RYK: variants seen among roughly 807,000 people sequenced by gnomAD.
The protein encoded by RYK is receptor like tyrosine kinase, also known as inactive tyrosine-protein kinase RYK.
A neutral mutation model predicts 70.2 loss-of-function variants in RYK; 21 were observed. The ratio of observed to expected loss-of-function variants is 0.30; its 90% CI spans 0.21 to 0.43. RYK has a LOEUF of 0.43. Among genes scored for constraint, RYK ranks in the 20% least tolerant of loss-of-function variants. The probability of loss-of-function intolerance (pLI) is 1.00; values close to 1 mark genes in which losing one functional copy is unlikely to be tolerated. For missense variants in RYK, 604 were observed against 753.3 expected, an observed-to-expected ratio of 0.80 and a Z score of 2.32; for synonymous variants, 267 against 278.0, an observed-to-expected ratio of 0.96 and a Z score of 0.39.
intron 9 of RYK, 149 bp downstream of exon 9, chr3:134,188,688 C>G: frequency 1.8e-6 from 1 of 545,656 alleles, no homozygotes; most frequent in South Asian, 2.7e-5. Flanking sequence ...CAATTAGGCT[C>G]ATATAAGACA....
At chr3:134,178,581 G>A (rs2013190321) in intron 10 of RYK, 1 of 151,596 alleles carries the variant, frequency 6.6e-6, no homozygotes, top group Non-Finnish European at 1.5e-5. Flanking sequence ...ACTGGATTTA[G>A]AATCAGATTT....
chr3:134,189,491 C>T (rs1576511865), intron 8 of RYK, among the ~76,000 whole-genome samples: 2 of 151,834 alleles, frequency 1.3e-5, no homozygotes, highest in South Asian at 2.1e-4. Context: ...AGGCTGCGCG[C>T]GGCTCACGCC....
At chr3:134,187,630 C>A (rs1303149817) in intron 9 of RYK, among the ~76,000 whole-genome samples, 1 of 152,100 alleles carries the variant, frequency 6.6e-6, no homozygotes, top group Admixed American at 6.6e-5. Context: ...TCAGGGGTCA[C>A]TGCAGCCTTG....
chr3:134,165,188 T>C (rs2012618297), intron 13 of RYK, among the ~76,000 whole-genome samples: 1 of 152,218 alleles, frequency 6.6e-6, no homozygotes, highest in Non-Finnish European at 1.5e-5. Context: ...TTATTTTTCA[T>C]TGTTAGTGTT....
intron 1 of RYK, among the ~76,000 whole-genome samples, chr3:134,226,728 G>A (rs1056148847): frequency 1.3e-5 from 2 of 151,824 alleles, no homozygotes; most frequent in African/African-American, 4.8e-5. Context: ...GTATCATCTC[G>A]ATACAGAAAA....
chr3:134,231,193 CAAAA>C (rs76361855), intron 1 of RYK, among the ~76,000 whole-genome samples: 3 of 107,416 alleles, frequency 2.8e-5, no homozygotes, highest in South Asian at 2.7e-4. Context: ...CAGACAAGAC[CAAAA>C]AAAAAAAAAA....
chr3:134,205,569 T>A (rs1479139084), intron 5 of RYK, among the ~76,000 whole-genome samples: 2 of 152,210 alleles, frequency 1.3e-5, no homozygotes, highest in Admixed American at 6.5e-5. Context: ...GAGCCAAGGA[T>A]ACGGCTCTGC....
rs777059872 is a variant in RYK, at chr3:134,175,993, C to A, written c.1352G>T (p.Cys451Phe). The A allele has an allele frequency of 6.8e-6, 11 of 1,608,110 alleles. No homozygotes were observed. The highest frequency in any genetic ancestry group is 1.7e-5 in the Admixed American group (1 of 59,364). The change falls in exon 12 of 15, where the codon TGT becomes TTT. Residue 451 changes from cysteine (C) to phenylalanine (F), a missense_variant. Cys to Phe is a radical substitution (Grantham distance 205, BLOSUM62 -2). Around this residue, in one of 2 missense-constraint regions of RYK, gnomAD observed 138 missense variants for 217.4 expected, o/e 0.63. Coordinates refer to ENST00000623711, the MANE Select transcript of RYK (RefSeq NM_002958.4). Reference protein sequence around the residue: ...DLVHMAIQIACGMSYLARREV... With the variant: ...DLVHMAIQIAFGMSYLARREV... ...CCTTCTGGCCAGGTAGCTCATTCCACAGGCAATCTGAATAGCCATGTGTAC... is the reference window on the plus strand; with the variant it reads ...CCTTCTGGCCAGGTAGCTCATTCCAAAGGCAATCTGAATAGCCATGTGTAC...
At chr3:134,204,319 C>A (rs996212534) in intron 5 of RYK, among the ~76,000 whole-genome samples, 3 of 151,616 alleles carry the variant, frequency 2.0e-5, no homozygotes, top group Non-Finnish European at 4.4e-5. Context: ...CATAGTGAAA[C>A]CCCATCTCTA....
At chr3:134,191,737 T>G in intron 8 of RYK, 112 bp downstream of exon 8, 1 of 809,546 alleles carries the variant, frequency 1.2e-6, no homozygotes, top group Non-Finnish European at 1.9e-6. Context: ...CACTGCTTCC[T>G]ATCCTTATCT....
At chr3:134,218,763 G>C (rs1349573165) in intron 2 of RYK, among the ~76,000 whole-genome samples, 1 of 152,268 alleles carries the variant, frequency 6.6e-6, no homozygotes, top group East Asian at 1.9e-4. Context: ...TGCAACAAGA[G>C]GTCAGTCCAG....
At chr3:134,237,779 T>C (rs1411028673) in intron 1 of RYK, among the ~76,000 whole-genome samples, 1 of 152,188 alleles carries the variant, frequency 6.6e-6, no homozygotes, top group Admixed American at 6.5e-5. Flanking sequence ...TATGATATCA[T>C]CCATGGTTTC....
chr3:134,159,083 C>T (rs1335431501), intron 14 of RYK, among the ~76,000 whole-genome samples, 154 bp downstream of exon 14: 1 of 152,162 alleles, frequency 6.6e-6, no homozygotes, highest in Non-Finnish European at 1.5e-5. Context: ...ATCTCCCTGA[C>T]TTTGTGGTTT....
At chr3:134,168,004 A>G (rs2012745904) in intron 13 of RYK, among the ~76,000 whole-genome samples, 1 of 152,272 alleles carries the variant, frequency 6.6e-6, no homozygotes, top group African/African-American at 2.4e-5. Flanking sequence ...TATGCAGCCA[A>G]AAGACACATG....
At chr3:134,189,569 G>A (rs951670576) in intron 8 of RYK, among the ~76,000 whole-genome samples, 6 of 151,832 alleles carry the variant, frequency 4.0e-5, no homozygotes, top group African/African-American at 1.5e-4. Flanking sequence ...GACCATCGTG[G>A]CTAACACGGT....
intron 1 of RYK, among the ~76,000 whole-genome samples, chr3:134,229,380 GA>G (rs1223251342): frequency 0.018 from 2,366 of 129,416 alleles, 77 homozygotes; most frequent in African/African-American, 0.065. Flanking sequence ...CTTTGGGCTG[GA>G]AAAAAAAAAA....
chr3:134,158,500 TAC>T (rs1468134204), intron 14 of RYK, among the ~76,000 whole-genome samples: 1 of 152,292 alleles, frequency 6.6e-6, no homozygotes, highest in East Asian at 1.9e-4. Context: ...TTTCAGCAAA[TAC>T]AGAGATTTCA....
chr3:134,165,530 G>A (rs1462270947), intron 13 of RYK, among the ~76,000 whole-genome samples: 1 of 152,200 alleles, frequency 6.6e-6, no homozygotes, highest in African/African-American at 2.4e-5. Context: ...GATGTCCAGA[G>A]GGACATGCCT....
chr3:134,219,689 G>A (rs1208244472), intron 2 of RYK, among the ~76,000 whole-genome samples: 1 of 152,170 alleles, frequency 6.6e-6, no homozygotes, highest in Non-Finnish European at 1.5e-5. Context: ...TAGAAACACT[G>A]GACCTCAGAG....
Sources: allele counts gnomAD v4.1 joint callset (sites outside exome capture counted in the v4.1 genomes callset), GRCh38; gene constraint gnomAD v4.1.1; regional missense constraint gnomAD v4.1.1; transcripts MANE v1.5; gene names NCBI Gene and HGNC (gene_info 2026-07-23, HGNC 2026-07-21).